The following BOP1 variants were observed in gnomAD, a reference collection of about 807,000 sequenced individuals.
BOP1 encodes the protein BOP1 ribosomal biogenesis factor, also known as ribosome biogenesis protein BOP1.
Under a neutral mutation model 82.9 loss-of-function variants are expected in BOP1, and 54 were observed. That is an observed-to-expected ratio of 0.65 (90% CI 0.52 to 0.82). BOP1 has a LOEUF of 0.82. Among genes scored for constraint, BOP1 ranks in the 40% least tolerant of loss-of-function variants. The pLI, the probability that BOP1 is intolerant of heterozygous loss-of-function variation, is 0.00. For missense variants in BOP1, 1,170 were observed against 1,072.0 expected, an observed-to-expected ratio of 1.09 and a Z score of -1.28; for synonymous variants, 566 against 451.1, an observed-to-expected ratio of 1.25 and a Z score of -3.23.
Position 144,264,074 on chromosome 8 carries a change from G to C in BOP1, c.1047C>G (p.Ser349Arg), listed in dbSNP as rs1564594910. The C allele has an allele frequency of 1.9e-6, 3 of 1,610,042 alleles. No individual in the cohort carries two copies. Among genetic ancestry groups the C allele is most frequent in the Non-Finnish European group, 1.7e-6 (2 of 1,179,580 alleles). The change falls in exon 8 of 16, where the codon AGC becomes AGG. Residue 349 changes from serine to arginine, a missense_variant. Ser to Arg is a moderately radical substitution (Grantham distance 110). Transcript: ENST00000569669. ...KLSFLPRKFP[S>R]LRAVPAYGRF... ...GTCCGTAGGCAGGCACGGCCCGCAG[G>C]CTCGGGAACTTGCGTGGCAAAAAGC... is the stretch of plus-strand genomic sequence containing the variant.
chr8:144,290,858 C>G (rs1033753272), intron 1 of BOP1, among the ~76,000 whole-genome samples: 1 of 152,230 alleles, frequency 6.6e-6, no homozygotes, highest in Admixed American at 6.5e-5. Context: ...AGTTCTAATA[C>G]AGCAAATGCA....
Position 144,278,223 on chromosome 8 carries a change from G to A in BOP1, c.310-1919C>T, listed in dbSNP as rs114937971. On this transcript the variant is annotated intron_variant, in intron 2 of 15. Transcript: ENST00000569669. The stretch of plus-strand genomic sequence containing the variant: ...ACCGACGGGTGGGCAGGGAGCCGCC[G>A]AGGGGGAGCGCAAGGACGAGGTGCC... 6.1e-3 allele frequency among the ~76,000 whole-genome samples: 734 copies of A among 120,718 alleles called. 10 individuals carry two copies. The highest frequency in any genetic ancestry group is 0.023 in the African/African-American group (707 of 30,808). 79.2% of individuals were successfully genotyped at this position (120,718 alleles called of 152,430 possible). A position where few individuals can be genotyped will look rare whatever the true frequency, so the allele number is the denominator to read the frequency against.
chr8:144,264,018 A>G lies in BOP1; in HGVS notation c.1103T>C (p.Leu368Pro). 1.2e-6 allele frequency: 2 copies of G among 1,608,902 alleles called. No individual in the cohort carries two copies. The highest frequency in any genetic ancestry group is 1.7e-6 in the Non-Finnish European group (2 of 1,179,778). The part of the protein sequence containing the change: ...RFIQERFERC[L>P]DLYLCPRQRK... ...CTGCCGTGGGCACAGGTACAGGTCA[A>G]GGCAGCGCTCGAAGCGTTCCTGGAT... The change falls in exon 8 of 16, where the codon CTT becomes CCT. Residue 368 changes from leucine to proline, a missense_variant. Coordinates refer to ENST00000569669, the MANE Select transcript of BOP1 (RefSeq NM_015201.5).
intron 2 of BOP1, among the ~76,000 whole-genome samples, chr8:144,278,264 C>T (rs1423386231): frequency 4.0e-5 from 6 of 149,552 alleles, no homozygotes; most frequent in Non-Finnish European, 8.8e-5. Flanking sequence ...GATGCGGGGC[C>T]GCTGGGGCCA....
intron 2 of BOP1, among the ~76,000 whole-genome samples, chr8:144,283,320 C>G (rs67384412): frequency 0.099 from 15,102 of 152,020 alleles, 885 homozygotes; most frequent in African/African-American, 0.15. Flanking sequence ...GCCCAGGGAG[C>G]TCAGACCAAA....
chr8:144,286,930 G>A (rs771983396), intron 2 of BOP1, among the ~76,000 whole-genome samples: 5 of 152,234 alleles, frequency 3.3e-5, no homozygotes, highest in Non-Finnish European at 7.3e-5. Flanking sequence ...GACAAGCAGC[G>A]AGAAGAGAAG....
chr8:144,268,325 G>A (rs1056867659), intron 3 of BOP1: 16 of 827,028 alleles, frequency 1.9e-5, no homozygotes, highest in Admixed American at 8.1e-5. Flanking sequence ...CGCCGGCAGC[G>A]GGACTCTGCG....
chr8:144,273,684 G>A (rs905003254), intron 3 of BOP1, among the ~76,000 whole-genome samples: 14 of 152,182 alleles, frequency 9.2e-5, no homozygotes, highest in East Asian at 1.9e-4. Flanking sequence ...CCACCTCCCC[G>A]GGGGTCCCAG....
In BOP1 at chr8:144,264,737, C is replaced by G; in HGVS notation, c.640G>C (p.Asp214His). The G allele has an allele frequency of 6.3e-7, 1 of 1,584,874 alleles. No homozygotes were observed. The highest frequency in any genetic ancestry group is 1.3e-5 in the African/African-American group (1 of 74,558). ...ACCTCATAGGGGTTGAAGCCCACAT[C>G]CCCAAACTGGCCACTCTGCAGCCGC... ...VRRLQSGQFG[D>H]VGFNPYEPAV... The change falls in exon 5 of 16, where the codon GAT becomes CAT. Residue 214 changes from aspartate (D) to histidine (H), a missense_variant. Coordinates refer to ENST00000569669, the MANE Select transcript of BOP1 (RefSeq NM_015201.5).
Position 144,287,795 on chromosome 8 carries a change from G to A in BOP1, c.309+1300C>T, listed in dbSNP as rs114321740. Among the ~76,000 whole-genome samples, 1,132 of 152,220 alleles carry A rather than the reference G, an allele frequency of 7.4e-3. 20 individuals carry two copies. The highest frequency in any genetic ancestry group is 0.026 in the African/African-American group (1,083 of 41,550). Reference sequence around the variant, plus strand: ...GGTATAATTAAAGCCTGAATTAAGTGTGATTTTAAATCTTTTCTTCCCAGC... The same window carrying A: ...GGTATAATTAAAGCCTGAATTAAGTATGATTTTAAATCTTTTCTTCCCAGC... On this transcript the variant is annotated intron_variant, in intron 2 of 15. Transcript: ENST00000569669.
At chr8:144,279,804 C>G (rs1845640931) in intron 2 of BOP1, among the ~76,000 whole-genome samples, 1 of 152,158 alleles carries the variant, frequency 6.6e-6, no homozygotes, top group Non-Finnish European at 1.5e-5. Flanking sequence ...GCACAGGAGA[C>G]CACGTCCTTG....
At chr8:144,284,079 C>T (rs1336263380) in intron 2 of BOP1, among the ~76,000 whole-genome samples, 15 of 152,046 alleles carry the variant, frequency 9.9e-5, no homozygotes, top group African/African-American at 3.4e-4. Context: ...ATTGCACCAC[C>T]GTACTCCAGC....
chr8:144,264,884 C>G, intron 4 of BOP1, 33 bp downstream of exon 4: 1 of 1,608,814 alleles, frequency 6.2e-7, no homozygotes, highest in Non-Finnish European at 8.5e-7. Context: ...TCGGGCCCAC[C>G]CCGGCTGCTG....
Position 144,262,053 on chromosome 8 carries a change from G to A in BOP1, c.*111C>T. The A allele has an allele frequency of 6.7e-7, 1 of 1,489,884 alleles. No homozygotes were observed. The highest frequency in any genetic ancestry group is 1.2e-5 in the South Asian group (1 of 85,844). The allele number at this position is 1,489,884 out of a possible 1,614,324, so 92.3% of individuals were successfully genotyped here. Reference sequence around the variant, plus strand: ...AGGGGAAGGCTCGGCGCTGTGGTGGGGGCGGCTTTGTTGGCAACCCCAATT... The same window carrying A: ...AGGGGAAGGCTCGGCGCTGTGGTGGAGGCGGCTTTGTTGGCAACCCCAATT... On this transcript the variant is annotated 3_prime_UTR_variant, in exon 16 of 16. Transcript: ENST00000569669.
intron 3 of BOP1, chr8:144,265,413 C>CCT: frequency 2.3e-6 from 1 of 434,270 alleles, no homozygotes; most frequent in Non-Finnish European, 4.2e-6. Context: ...GGGCTCCCTC[C>CCT]CCTGGCAGGG....
At chr8:144,264,179 A>T in intron 7 of BOP1, 37 bp from the exon 8 acceptor site, 2 of 1,609,612 alleles carry the variant, frequency 1.2e-6, no homozygotes. Flanking sequence ...GGAGGGTCAC[A>T]GGGAAGCATG....
chr8:144,262,256 G>C lies in BOP1; in HGVS notation c.2149C>G (p.Arg717Gly). ...ATGACGTCCAGCACTCCCAGATCTC[G>C]GGTCAGCACGTGTCCCTTCAGCACC... Reference protein sequence around the residue: ...VKVLKGHVLTRDLGVLDVIFH... With the variant: ...VKVLKGHVLTGDLGVLDVIFH... The change falls in exon 16 of 16, where the codon CGA becomes GGA. Residue 717 changes from arginine (R) to glycine (G), a missense_variant. Arg to Gly is a moderately radical substitution (Grantham distance 125). Transcript: ENST00000569669. 1 of 1,612,700 alleles carries C rather than the reference G, an allele frequency of 6.2e-7. No individual in the cohort carries two copies. Among genetic ancestry groups the C allele is most frequent in the Non-Finnish European group, 8.5e-7 (1 of 1,179,756 alleles).
In BOP1 at chr8:144,264,032, G is replaced by A; in HGVS notation, c.1089C>T (p.Arg363=). The A allele has an allele frequency of 6.2e-7, 1 of 1,609,544 alleles. No individual in the cohort carries two copies. The change falls in exon 8 of 16, where the codon CGC becomes CGT. Residue 363 remains arginine (R), a synonymous_variant. Coordinates refer to ENST00000569669, the MANE Select transcript of BOP1 (RefSeq NM_015201.5). Reference sequence around the variant, plus strand: ...GGTACAGGTCAAGGCAGCGCTCGAAGCGTTCCTGGATGAAGCGTCCGTAGG... The same window carrying A: ...GGTACAGGTCAAGGCAGCGCTCGAAACGTTCCTGGATGAAGCGTCCGTAGG... ...VPAYGRFIQE[R]FERCLDLYLC...
At chr8:144,290,749 C>T (rs1325367587) in intron 1 of BOP1, among the ~76,000 whole-genome samples, 2 of 151,896 alleles carry the variant, frequency 1.3e-5, no homozygotes, top group Non-Finnish European at 2.9e-5. Flanking sequence ...GCGGCCGCGG[C>T]CGAGGGGGCT....
Sources: allele counts gnomAD v4.1 joint callset (sites outside exome capture counted in the v4.1 genomes callset), GRCh38; gene constraint gnomAD v4.1.1; transcripts MANE v1.5; gene names NCBI Gene and HGNC (gene_info 2026-07-23, HGNC 2026-07-21).